Variants in LVRN observed in about 807,000 individuals in gnomAD.
The protein encoded by LVRN is aminopeptidase Q.
A neutral mutation model predicts 111.4 loss-of-function variants in LVRN; 99 were observed. The observed-to-expected ratio is 0.89, with a 90% confidence interval of 0.76 to 1.05. The LOEUF (loss-of-function observed/expected upper bound fraction) is 1.05. Among genes scored for constraint, LVRN ranks in the 50% least tolerant of loss-of-function variants. The pLI is 0.00. For missense variants in LVRN, 1,414 were observed against 1,206.8 expected, an observed-to-expected ratio of 1.17 and a Z score of -2.54; for synonymous variants, 488 against 449.5, an observed-to-expected ratio of 1.09 and a Z score of -1.08.
intron 14 of LVRN, among the ~76,000 whole-genome samples, chr5:116,011,172 G>GATGGAA (rs1181283805): frequency 6.8e-6 from 1 of 147,682 alleles, no homozygotes; most frequent in East Asian, 2.0e-4. Flanking sequence ...ACCAGAAGTG[G>GATGGAA]ATGGAAATGG....
chr5:116,001,030 T>C (rs753892961), intron 9 of LVRN, 37 bp from the exon 10 acceptor site: 10 of 1,559,510 alleles, frequency 6.4e-6, no homozygotes, highest in Non-Finnish European at 8.6e-6. Flanking sequence ...GTTTCACGGA[T>C]AACCTTACCT....
At chr5:115,964,237 C>T (rs1007143737) in intron 1 of LVRN, among the ~76,000 whole-genome samples, 1 of 152,288 alleles carries the variant, frequency 6.6e-6, no homozygotes, top group East Asian at 1.9e-4. Context: ...GCGCCGTACA[C>T]AACTGCATGT....
intron 6 of LVRN, among the ~76,000 whole-genome samples, chr5:115,999,501 C>A (rs532364298): frequency 6.6e-5 from 10 of 152,248 alleles, no homozygotes; most frequent in African/African-American, 2.4e-4. Context: ...ATGTAGGTGG[C>A]TTTTGGAAAC....
intron 4 of LVRN, among the ~76,000 whole-genome samples, chr5:115,991,053 T>A (rs1220691034): frequency 6.6e-6 from 1 of 152,196 alleles, no homozygotes; most frequent in Non-Finnish European, 1.5e-5. Flanking sequence ...TATTATTAAC[T>A]AACCTCCCTA....
intron 3 of LVRN, 143 bp from the exon 4 acceptor site, chr5:115,987,670 G>C (rs180929351): frequency 5.3e-6 from 5 of 947,286 alleles, no homozygotes; most frequent in South Asian, 3.6e-5. Context: ...CTCAGGACAT[G>C]TAAGCATGCA....
At chr5:116,002,941 T>C (rs377129767) in intron 11 of LVRN, 30 bp downstream of exon 11, 54 of 1,451,412 alleles carry the variant, frequency 3.7e-5, no homozygotes, top group Non-Finnish European at 4.6e-5. Flanking sequence ...AACATCTTTA[T>C]ATATATGCAT....
At chr5:115,968,197 C>T (rs1373560615) in intron 1 of LVRN, among the ~76,000 whole-genome samples, 1 of 152,092 alleles carries the variant, frequency 6.6e-6, no homozygotes, top group Non-Finnish European at 1.5e-5. Context: ...TTAGCCTTTA[C>T]AACTGAGCAT....
At chr5:115,972,307 A>G (rs192319181) in intron 1 of LVRN, among the ~76,000 whole-genome samples, 1 of 152,166 alleles carries the variant, frequency 6.6e-6, no homozygotes, top group East Asian at 1.9e-4. Flanking sequence ...CACTGTATAT[A>G]TCTTGCACAT....
At chr5:116,017,152 G>A (rs1453287159) in intron 18 of LVRN, among the ~76,000 whole-genome samples, 1 of 152,200 alleles carries the variant, frequency 6.6e-6, no homozygotes, top group Non-Finnish European at 1.5e-5. Context: ...CTGGAGGACA[G>A]AACACCAGGA....
At position 115,962,843 on chromosome 5, in the gene LVRN, C is replaced by G. The variant is rs1753112679; in HGVS notation, c.226C>G (p.Arg76Gly). The change falls in exon 1 of 20, where the codon CGC becomes GGC. Residue 76 changes from arginine (R) to glycine (G), a missense_variant. Transcript: ENST00000357872. ...PTPTPKPSSA[R>G]ELAVTTTPSN... ...GCCAACCCCGAAACCCAGCAGTGCACGCGAGCTAGCGGTGACGACCACCCC... is the reference window on the plus strand; with the variant it reads ...GCCAACCCCGAAACCCAGCAGTGCAGGCGAGCTAGCGGTGACGACCACCCC... The G allele has an allele frequency of 6.2e-7, 1 of 1,612,984 alleles. No homozygotes were observed. Among genetic ancestry groups the G allele is most frequent in the Non-Finnish European group, 8.5e-7 (1 of 1,179,790 alleles).
At chr5:116,008,859 C>T (rs1244715011) in intron 13 of LVRN, among the ~76,000 whole-genome samples, 4 of 152,192 alleles carry the variant, frequency 2.6e-5, no homozygotes, top group Non-Finnish European at 4.4e-5. Flanking sequence ...CAAGGTGAAA[C>T]AGCAAATGTT....
chr5:115,997,421 T>C (rs1175617557), intron 6 of LVRN, among the ~76,000 whole-genome samples: 1 of 152,208 alleles, frequency 6.6e-6, no homozygotes, highest in Non-Finnish European at 1.5e-5. Flanking sequence ...CCCAACACTT[T>C]GGGAGGCCAA....
At position 116,001,109 on chromosome 5, in the gene LVRN, A is replaced by G; in HGVS notation, c.1690A>G (p.Lys564Glu). ...TACAGTTATTTTGCCAGCAACAATA[A>G]AAAACATAATGGACAGTTGGACACA... ...QSTVILPATI[K>E]NIMDSWTHQS... The change falls in exon 10 of 20, where the codon AAA becomes GAA. Residue 564 changes from lysine (K) to glutamate (E), a missense_variant. Physicochemically the swap from Lys to Glu is moderately conservative, Grantham distance 56. Transcript: ENST00000357872. The G allele has an allele frequency of 1.2e-6, 2 of 1,611,742 alleles. No individual in the cohort carries two copies. The highest frequency in any genetic ancestry group is 1.7e-6 in the Non-Finnish European group (2 of 1,179,430).
intron 10 of LVRN, among the ~76,000 whole-genome samples, chr5:116,002,509 AACT>A (rs1748257479): frequency 6.6e-6 from 1 of 152,218 alleles, no homozygotes; most frequent in Non-Finnish European, 1.5e-5. Context: ...GCAGCATTTG[AACT>A]ACCCTTGAGT....
intron 18 of LVRN, among the ~76,000 whole-genome samples, chr5:116,020,414 A>G (rs766905098): frequency 3.3e-5 from 5 of 152,234 alleles, no homozygotes; most frequent in Non-Finnish European, 7.3e-5. Flanking sequence ...TTCACAGCAT[A>G]CAGAAAAACC....
rs12520255 is a variant in LVRN, at chr5:115,962,778, T to A, written c.161T>A (p.Leu54Ter). ...PPSELPGLRD[L>*]EAESSPPLRQ... ...TCGGAGCTGCCTGGACTCAGGGACT[T>A]GGAAGCCGAGTCTTCCCCTCCCCTC... The change falls in exon 1 of 20, where the codon TTG (leucine) becomes TAG (stop). Residue 54 changes from leucine to a stop codon, truncating the protein, a stop_gained. Transcript: ENST00000357872. LOFTEE classifies it high-confidence loss of function. The A allele has an allele frequency of 6.2e-7, 1 of 1,610,724 alleles. No individual in the cohort carries two copies. The highest frequency in any genetic ancestry group is 8.5e-7 in the Non-Finnish European group (1 of 1,178,474).
At position 116,015,385 on chromosome 5, in the gene LVRN, A is replaced by T. The variant is rs912734838; in HGVS notation, c.2584A>T (p.Met862Leu). ...AGAAAAGATTCAACTTGCTTATGCA[A>T]TGAGCTGCAGCAAAGACCCATGGAT... ...KEEKIQLAYA[M>L]SCSKDPWILN... Residue 862 changes from methionine to leucine, a missense_variant, in exon 17 of 20, where the codon ATG becomes TTG. Coordinates refer to ENST00000357872, the MANE Select transcript of LVRN (RefSeq NM_173800.5). 3.1e-6 allele frequency: 5 copies of T among 1,603,786 alleles called. No homozygotes were observed. Among genetic ancestry groups the T allele is most frequent in the Non-Finnish European group, 4.3e-6 (5 of 1,176,216 alleles).
rs149869836 is a variant in LVRN, at chr5:115,971,017, C to A, written c.695+7705C>A. 3.0e-3 allele frequency among the ~76,000 whole-genome samples: 463 copies of A among 152,318 alleles called. 3 individuals are homozygous for A. Among genetic ancestry groups the A allele is most frequent in the African/African-American group, 0.011 (437 of 41,562 alleles). ...TCTAGTTGTTCCAAATCCTTACCAGCAGTTGGTATTGCCAGACTTTTTCAT... is the reference window on the plus strand; with the variant it reads ...TCTAGTTGTTCCAAATCCTTACCAGAAGTTGGTATTGCCAGACTTTTTCAT... On this transcript the variant is annotated intron_variant, in intron 1 of 19. Transcript: ENST00000357872.
intron 1 of LVRN, among the ~76,000 whole-genome samples, chr5:115,966,421 A>G (rs1055075424): frequency 6.6e-6 from 1 of 152,228 alleles, no homozygotes; most frequent in Admixed American, 6.5e-5. Context: ...GTATGGATGT[A>G]TGAAAGTTTA....
Sources: allele counts gnomAD v4.1 joint callset (sites outside exome capture counted in the v4.1 genomes callset), GRCh38; gene constraint gnomAD v4.1.1; transcripts MANE v1.5; gene names NCBI Gene and HGNC (gene_info 2026-07-23, HGNC 2026-07-21).